The following NETO1 variants were observed in gnomAD, a reference collection of about 807,000 sequenced individuals.
NETO1 encodes the protein neuropilin and tolloid like 1.
NETO1 carries 26 observed loss-of-function variants against 61.3 expected under a neutral mutation model. The ratio of observed to expected loss-of-function variants is 0.42; its 90% CI spans 0.31 to 0.59. The LOEUF is 0.59. NETO1 is among the 20% of genes least tolerant of loss of function. The pLI is 0.12. For synonymous variants in NETO1, 225 were observed against 225.8 expected (o/e 1.00, Z 0.03); for missense variants, 531 against 662.8 (o/e 0.80, Z 2.18).
At chr18:72,841,732 T>TGAAA (rs1568249377) in intron 4 of NETO1, among the ~76,000 whole-genome samples, 1 of 1,110 alleles carries the variant, frequency 9.0e-4, no homozygotes, top group Admixed American at 8.1e-3. Context: ...AGACTCTACC[T>TGAAA]CAACAAAAAA....
chr18:72,786,274 T>C (rs777969420), intron 6 of NETO1, among the ~76,000 whole-genome samples: 1 of 152,178 alleles, frequency 6.6e-6, no homozygotes, highest in Non-Finnish European at 1.5e-5. Context: ...ATCTAAATTA[T>C]GACATAAAAG....
At chr18:72,758,381 TTC>T (rs1173676047) in intron 7 of NETO1, among the ~76,000 whole-genome samples, 1 of 70,268 alleles carries the variant, frequency 1.4e-5, no homozygotes, top group Non-Finnish European at 3.1e-5. Flanking sequence ...TGCTTTTTTT[TTC>T]TTTGTGTGTG....
intron 6 of NETO1, among the ~76,000 whole-genome samples, chr18:72,792,791 C>T (rs1484218): frequency 0.48 from 73,363 of 151,380 alleles, 19,105 homozygotes; most frequent in Non-Finnish European, 0.59. Flanking sequence ...TCTCAACCCA[C>T]GCTTTCATGT....
intron 3 of NETO1, among the ~76,000 whole-genome samples, chr18:72,862,398 C>A (rs1305165831): frequency 6.6e-6 from 1 of 152,174 alleles, no homozygotes; most frequent in Non-Finnish European, 1.5e-5. Flanking sequence ...TCTATCTCTC[C>A]ACTGAGCTAG....
At chr18:72,857,133 G>A (rs555086240) in intron 4 of NETO1, among the ~76,000 whole-genome samples, 4 of 152,142 alleles carry the variant, frequency 2.6e-5, no homozygotes, top group Non-Finnish European at 5.9e-5. Context: ...TCCCTCATAT[G>A]CCAAATGTAG....
chr18:72,865,139 T>A, intron 2 of NETO1, 49 bp downstream of exon 2: 1 of 1,555,964 alleles, frequency 6.4e-7, no homozygotes, highest in Non-Finnish European at 8.8e-7. Context: ...AATAGGAAAA[T>A]ACAAAATAAT....
chr18:72,748,934 A>C, intron 10 of NETO1, 80 bp downstream of exon 10: 1 of 859,410 alleles, frequency 1.2e-6, no homozygotes, highest in South Asian at 1.4e-5. Context: ...TAAATAGCAC[A>C]TTCCCTAAAA....
intron 7 of NETO1, among the ~76,000 whole-genome samples, chr18:72,766,066 G>A (rs1045924016): frequency 2.6e-5 from 4 of 151,986 alleles, no homozygotes; most frequent in Non-Finnish European, 1.5e-5. Flanking sequence ...AAGTAGACTG[G>A]TGTGGTGGTG....
At chr18:72,867,143 G>A (rs187455664) in intron 1 of NETO1, 121 bp downstream of exon 1, 1 of 676,074 alleles carries the variant, frequency 1.5e-6, no homozygotes, top group Non-Finnish European at 2.2e-6. Flanking sequence ...GCCCCGACCC[G>A]CGCGGGACTG....
chr18:72,832,017 TATTATGAC>T (rs1401253648), intron 4 of NETO1, among the ~76,000 whole-genome samples: 1 of 152,212 alleles, frequency 6.6e-6, no homozygotes, highest in Non-Finnish European at 1.5e-5. Context: ...TACTTATCTT[TATTATGAC>T]AAAATCACAT....
intron 7 of NETO1, among the ~76,000 whole-genome samples, chr18:72,776,511 T>G (rs1044801030): frequency 1.3e-5 from 2 of 152,152 alleles, no homozygotes; most frequent in Non-Finnish European, 2.9e-5. Flanking sequence ...CAACAGAAAT[T>G]TACTTCTCAC....
chr18:72,863,914 CGTT>C (rs778434300), intron 3 of NETO1, among the ~76,000 whole-genome samples: 5 of 152,124 alleles, frequency 3.3e-5, no homozygotes, highest in Admixed American at 6.5e-5. Context: ...ACATTTTAAA[CGTT>C]GTACTTAAGA....
chr18:72,764,846 A>G (rs2071099375), intron 7 of NETO1, among the ~76,000 whole-genome samples: 1 of 152,036 alleles, frequency 6.6e-6, no homozygotes, highest in Admixed American at 6.6e-5. Context: ...AAGGCTCAAG[A>G]CCATCCTTGG....
chr18:72,839,393 G>A (rs1394878311), intron 4 of NETO1, among the ~76,000 whole-genome samples: 1 of 152,108 alleles, frequency 6.6e-6, no homozygotes, highest in Non-Finnish European at 1.5e-5. Flanking sequence ...AAAAATCAAG[G>A]GATAAATGTT....
At chr18:72,755,926 A>C in intron 8 of NETO1, 108 bp downstream of exon 8, 1 of 589,160 alleles carries the variant, frequency 1.7e-6, no homozygotes, top group South Asian at 2.4e-5. Context: ...GTGGTCATAA[A>C]AGGCACTATA....
chr18:72,817,814 G>A (rs2073073431), intron 4 of NETO1, among the ~76,000 whole-genome samples: 2 of 152,214 alleles, frequency 1.3e-5, no homozygotes, highest in African/African-American at 4.8e-5. Flanking sequence ...TCTCAGACCT[G>A]TCTTTTTCCT....
chr18:72,768,875 A>G (rs1176527155), intron 7 of NETO1, among the ~76,000 whole-genome samples: 1 of 152,230 alleles, frequency 6.6e-6, no homozygotes, highest in Non-Finnish European at 1.5e-5. Flanking sequence ...GCACTCCAGA[A>G]GTGTAAGATA....
At position 72,867,696 on chromosome 18, in the gene NETO1, G is replaced by A. The variant is rs2074783656; in HGVS notation, c.-405C>T. 1 of 150,510 alleles carries A rather than the reference G, an allele frequency of 6.6e-6. No homozygotes were observed. Among genetic ancestry groups the A allele is most frequent in the African/African-American group, 2.4e-5 (1 of 41,112 alleles). 9.3% of individuals were successfully genotyped at this position (150,510 alleles called of 1,614,324 possible). On this transcript the variant is annotated 5_prime_UTR_variant, in exon 1 of 11. Coordinates refer to ENST00000327305, the MANE Select transcript of NETO1 (RefSeq NM_138966.5). The stretch of plus-strand genomic sequence containing the variant: ...GCGGCGGTCGCAGGGCGAGCCCCGG[G>A]ACGCCCCGAGCCGGGGCCGGGGCCG...
At chr18:72,790,104 T>C (rs545565484) in intron 6 of NETO1, among the ~76,000 whole-genome samples, 1 of 152,190 alleles carries the variant, frequency 6.6e-6, no homozygotes, top group Admixed American at 6.6e-5. Context: ...ACTTTAAATA[T>C]GAAATGAGTA....
Sources: allele counts gnomAD v4.1 joint callset (sites outside exome capture counted in the v4.1 genomes callset), GRCh38; gene constraint gnomAD v4.1.1; transcripts MANE v1.5; gene names NCBI Gene and HGNC (gene_info 2026-07-23, HGNC 2026-07-21).